Variants in SFMBT1 observed in about 807,000 individuals in gnomAD.
SFMBT1 encodes Scm like with four mbt domains 1, also known as scm-like with four MBT domains protein 1.
In SFMBT1, 32 loss-of-function variants were observed where a neutral mutation model predicts 108.7. The observed-to-expected ratio is 0.29, with a 90% CI of 0.22 to 0.40. The LOEUF (loss-of-function observed/expected upper bound fraction) is 0.40. SFMBT1 is among the 10% of genes least tolerant of loss of function. The pLI is 1.00. For missense variants in SFMBT1, 816 were observed against 1,059.6 expected (o/e 0.77, Z 3.19); for synonymous variants, 348 against 369.5 (o/e 0.94, Z 0.67).
intron 1 of SFMBT1, among the ~76,000 whole-genome samples, chr3:53,039,560 G>A (rs1018762626): frequency 6.6e-6 from 1 of 152,194 alleles, no homozygotes; most frequent in African/African-American, 2.4e-5. Flanking sequence ...ACACAACAAT[G>A]TCAATGTACT....
At chr3:52,915,003 T>C (rs577586743) in intron 14 of SFMBT1, among the ~76,000 whole-genome samples, 6 of 152,288 alleles carry the variant, frequency 3.9e-5, no homozygotes, top group African/African-American at 1.4e-4. Flanking sequence ...TTACTTCCAA[T>C]AACTGGTCAG....
At chr3:52,951,418 CTTTT>C (rs1169590358) in intron 3 of SFMBT1, among the ~76,000 whole-genome samples, 6 of 141,598 alleles carry the variant, frequency 4.2e-5, no homozygotes, top group African/African-American at 1.3e-4. Flanking sequence ...AAAAGAAATT[CTTTT>C]TTTTTTTTTT....
intron 2 of SFMBT1, 77 bp from the exon 3 acceptor site, chr3:52,954,488 A>T: frequency 8.9e-7 from 1 of 1,117,826 alleles, no homozygotes; most frequent in Admixed American, 2.1e-5. Flanking sequence ...AAACTTAATA[A>T]ACCTAACTTT....
chr3:52,983,455 C>T (rs1040874604), intron 1 of SFMBT1, among the ~76,000 whole-genome samples: 3 of 152,188 alleles, frequency 2.0e-5, no homozygotes, highest in Non-Finnish European at 4.4e-5. Context: ...ATATGCAAAT[C>T]TTCAACTGCG....
intron 16 of SFMBT1, 134 bp downstream of exon 16, chr3:52,912,404 T>C: frequency 1.6e-6 from 1 of 612,686 alleles, no homozygotes; most frequent in Non-Finnish European, 2.9e-6. Flanking sequence ...GGTCTTGAAC[T>C]CCTGACCTTG....
At chr3:52,979,674 C>A (rs766794140) in intron 1 of SFMBT1, among the ~76,000 whole-genome samples, 19 of 152,220 alleles carry the variant, frequency 1.2e-4, no homozygotes, top group Admixed American at 4.6e-4. Flanking sequence ...TTCACCAGAA[C>A]TTATATTAAC....
intron 17 of SFMBT1, among the ~76,000 whole-genome samples, chr3:52,910,759 G>A (rs1011057001): frequency 6.6e-6 from 1 of 152,162 alleles, no homozygotes; most frequent in Non-Finnish European, 1.5e-5. Flanking sequence ...AAAGTGCTGG[G>A]ATTACAGGCA....
At chr3:53,033,666 G>A (rs1380525168) in intron 1 of SFMBT1, among the ~76,000 whole-genome samples, 1 of 151,486 alleles carries the variant, frequency 6.6e-6, no homozygotes, top group Non-Finnish European at 1.5e-5. Context: ...AAAATGCTGA[G>A]GATATCATAC....
intron 1 of SFMBT1, among the ~76,000 whole-genome samples, chr3:53,016,537 G>C (rs768206659): frequency 6.6e-6 from 1 of 152,116 alleles, no homozygotes; most frequent in Middle Eastern, 3.2e-3. Flanking sequence ...ACATATCCCC[G>C]TGTTTTAATT....
At chr3:52,972,871 C>T (rs1704396605) in intron 1 of SFMBT1, among the ~76,000 whole-genome samples, 1 of 151,176 alleles carries the variant, frequency 6.6e-6, no homozygotes, top group East Asian at 1.9e-4. Context: ...CACACACACA[C>T]ACACTAGCTG....
At chr3:52,943,299 CA>C (rs1252328498) in intron 4 of SFMBT1, 53 bp downstream of exon 4, 9 of 1,610,136 alleles carry the variant, frequency 5.6e-6, no homozygotes, top group Non-Finnish European at 6.8e-6. Context: ...GTGGACAATC[CA>C]AATTTTCTTA....
At chr3:52,916,692 AC>A (rs1479492450) in intron 13 of SFMBT1, among the ~76,000 whole-genome samples, 58 of 151,566 alleles carry the variant, frequency 3.8e-4, no homozygotes, top group East Asian at 1.2e-3. Flanking sequence ...AACAACAACA[AC>A]AACAACAACA....
At chr3:52,923,972 C>G (rs1248241853) in intron 10 of SFMBT1, among the ~76,000 whole-genome samples, 2 of 151,926 alleles carry the variant, frequency 1.3e-5, no homozygotes, top group Non-Finnish European at 2.9e-5. Flanking sequence ...CAGAAAGGGT[C>G]GGGGGAAAAG....
chr3:53,023,368 A>C (rs780789957), intron 1 of SFMBT1, among the ~76,000 whole-genome samples: 1 of 152,260 alleles, frequency 6.6e-6, no homozygotes, highest in Non-Finnish European at 1.5e-5. Flanking sequence ...CAACACATGG[A>C]TATGACTAGG....
At position 53,010,645 on chromosome 3, in the gene SFMBT1, T is replaced by C. The variant is rs988726251; in HGVS notation, c.-131+35171A>G. ...ATTTGTACAACCAGAATACAGTGTG[T>C]TTTTCTGTAATGATGTTATTTATAG... On this transcript the variant is annotated intron_variant, in intron 1 of 20. Coordinates refer to ENST00000394752, the MANE Select transcript of SFMBT1 (RefSeq NM_016329.4). Among the ~76,000 whole-genome samples the C allele has an allele frequency of 2.6e-5, 4 of 151,862 alleles. No homozygotes were observed. In the East Asian group the frequency reaches 5.8e-4, roughly 22 times the overall value.
intron 13 of SFMBT1, 26 bp from the exon 14 acceptor site, chr3:52,916,240 A>G (rs1200073215): frequency 6.3e-7 from 1 of 1,598,778 alleles, no homozygotes; most frequent in Admixed American, 1.7e-5. Flanking sequence ...ACAGTAAAAT[A>G]GTGAGATAAT....
intron 1 of SFMBT1, among the ~76,000 whole-genome samples, chr3:52,993,713 AAAAG>A (rs974347282): frequency 1.3e-5 from 2 of 150,404 alleles, no homozygotes; most frequent in African/African-American, 4.8e-5. Flanking sequence ...AAAAATTGTG[AAAAG>A]AGTTAAGATA....
rs1456756889 is a variant in SFMBT1 at position 52,930,372 on chromosome 3, T to G, written c.854A>C (p.Asp285Ala). 2 of 1,613,626 alleles carry G rather than the reference T, an allele frequency of 1.2e-6. No homozygotes were observed. The highest frequency in any genetic ancestry group is 1.7e-6 in the Non-Finnish European group (2 of 1,179,510). Reference sequence around the variant, plus strand: ...AGAGATCCCAAAAGGAGACCAGGGGTCTACAGCTTCCAATTTCATGTTTAC... The same window carrying G: ...AGAGATCCCAAAAGGAGACCAGGGGGCTACAGCTTCCAATTTCATGTTTAC... ...FSVNMKLEAV[D>A]PWSPFGISPA... Residue 285 changes from aspartate (D) to alanine (A), a missense_variant, in exon 8 of 21, where the codon GAC (aspartate) becomes GCC (alanine). Coordinates refer to ENST00000394752, the MANE Select transcript of SFMBT1 (RefSeq NM_016329.4).
rs1282705496 is a variant in SFMBT1 at position 52,907,291 on chromosome 3, A to C, written c.2109T>G (p.Asp703Glu). 8 of 1,613,662 alleles carry C rather than the reference A, an allele frequency of 5.0e-6. No individual in the cohort carries two copies. The highest frequency in any genetic ancestry group is 4.2e-6 in the Non-Finnish European group (5 of 1,179,912). ...AATCATCATCCCCTTCATCTGGGTC[A>C]TCCTCATCTTCACCCCCACTTCCCT... ...SPQGSGGEDE[D>E]DPDEGDDDSL... Residue 703 changes from aspartate (D) to glutamate (E), a missense_variant, in exon 19 of 21, where the codon GAT becomes GAG. Transcript: ENST00000394752.
Sources: gnomAD v4.1 joint callset for allele counts (sites outside exome capture counted in the v4.1 genomes callset) on GRCh38, gnomAD v4.1.1 for gene constraint, MANE v1.5 for transcripts, NCBI Gene and HGNC (gene_info 2026-07-23, HGNC 2026-07-21) for gene names.